Variants in MOG observed in about 807,000 individuals in gnomAD.
MOG encodes the protein myelin-oligodendrocyte glycoprotein.
In MOG, 20 loss-of-function variants were observed where a neutral mutation model predicts 35.9. That is an observed-to-expected ratio of 0.56 (90% confidence interval 0.39 to 0.81). The LOEUF (loss-of-function observed/expected upper bound fraction) is 0.81, where lower values mean the gene tolerates loss of function less well. MOG is among the 30% of genes least tolerant of loss of function. The pLI is 0.00. For synonymous variants in MOG, 92 were observed against 114.3 expected, an observed-to-expected ratio of 0.80 and a Z score of 1.25; for missense variants, 251 against 301.0, an observed-to-expected ratio of 0.83 and a Z score of 1.23.
intron 2 of MOG, 47 bp downstream of exon 2, chr6:29,659,713 G>A (rs1768079278): frequency 1.4e-6 from 2 of 1,480,342 alleles, no homozygotes; most frequent in Admixed American, 1.8e-5. Context: ...GGGTGGCCAA[G>A]AACAATTATT....
At chr6:29,661,839 CAAGG>C (rs1768864183) in intron 2 of MOG, 4 of 606,878 alleles carry the variant, frequency 6.6e-6, no homozygotes, top group African/African-American at 5.0e-5. Context: ...AAAAAAAAAA[CAAGG>C]AAGACAAAAA....
Position 29,666,197 on chromosome 6 carries a change from T to C in MOG, c.482T>C (p.Val161Ala). The change falls in exon 3 of 8, where the codon GTG becomes GCG. Residue 161 changes from valine (V) to alanine (A), a missense_variant. Val to Ala is a moderately conservative substitution (Grantham distance 64). Transcript: ENST00000376917. ...VSPGVLVLLA[V>A]LPVLLLQITV... ...CCTGGAGTGCTGGTTCTCCTCGCGG[T>C]GCTGCCTGTGCTCCTCCTGCAGATC... The C allele has an allele frequency of 6.2e-7, 1 of 1,612,964 alleles. No individual in the cohort carries two copies. Among genetic ancestry groups the C allele is most frequent in the Non-Finnish European group, 8.5e-7 (1 of 1,179,936 alleles).
chr6:29,664,606 ATT>A (rs9278232), intron 2 of MOG: 6,155 of 408,604 alleles, frequency 0.015, 4 homozygotes, highest in Middle Eastern at 0.027. Flanking sequence ...CCATCTCAGA[ATT>A]TTTTTTTTTT....
chr6:29,670,533 C>A lies in MOG; in HGVS notation c.709+136C>A. On this transcript the variant is annotated intron_variant, in intron 6 of 7. Transcript: ENST00000376917. This position sits in a 1 kb window ranked among gnomAD's most constrained non-coding sequence, Gnocchi z 4.2. ...ATTTCCTTATTCCTCTGTCCCCATGCCCAACCCCAGGCTCTTCTGAGAAAC... is the reference window on the plus strand; with the variant it reads ...ATTTCCTTATTCCTCTGTCCCCATGACCAACCCCAGGCTCTTCTGAGAAAC... The A allele has an allele frequency of 1.3e-6, 2 of 1,509,314 alleles. No individual in the cohort carries two copies. The highest frequency in any genetic ancestry group is 1.8e-6 in the Non-Finnish European group (2 of 1,093,038). 93.5% of individuals were successfully genotyped at this position (1,509,314 alleles called of 1,614,324 possible). A position where few individuals can be genotyped will look rare whatever the true frequency, so the allele number is the denominator to read the frequency against.
At position 29,670,646 on chromosome 6, in the gene MOG, G is replaced by C; in HGVS notation, c.710-55G>C. 6.2e-7 allele frequency: 1 copy of C among 1,604,798 alleles called. No individual in the cohort carries two copies. Among genetic ancestry groups the C allele is most frequent in the Non-Finnish European group, 8.5e-7 (1 of 1,175,698 alleles). ...TCCAAATGTCCATAGGGAGGATGTG[G>C]GGAAGGTGCTATTCATCTTCCACTA... On this transcript the variant is annotated intron_variant, in intron 6 of 7. Transcript: ENST00000376917. The surrounding 1 kb of genome is among the most constrained non-coding windows in gnomAD (Gnocchi z 4.2).
At chr6:29,660,584 AC>A in intron 2 of MOG, among the ~76,000 whole-genome samples, 1 of 148,680 alleles carries the variant, frequency 6.7e-6, no homozygotes, top group African/African-American at 2.5e-5. Flanking sequence ...ACACACACAC[AC>A]ACACCTGTGC....
Position 29,671,468 on chromosome 6 carries a change from T to G in MOG, c.*283T>G. 1.3e-6 allele frequency: 2 copies of G among 1,520,878 alleles called. No individual in the cohort carries two copies. Among genetic ancestry groups the G allele is most frequent in the Non-Finnish European group, 1.8e-6 (2 of 1,096,468 alleles). 94.2% of individuals were successfully genotyped at this position (1,520,878 alleles called of 1,614,324 possible). A position where few individuals can be genotyped will look rare whatever the true frequency, so the allele number is the denominator to read the frequency against. On this transcript the variant is annotated 3_prime_UTR_variant, in exon 8 of 8. Coordinates refer to ENST00000376917, the MANE Select transcript of MOG (RefSeq NM_206809.4). ...CTGGCTAAGGACAGGCAGGTGCCCC[T>G]CTCTCCATCAGAGGACACCTGTACT...
At chr6:29,666,600 T>C (rs927424820) in intron 3 of MOG, among the ~76,000 whole-genome samples, 1 of 152,198 alleles carries the variant, frequency 6.6e-6, no homozygotes, top group South Asian at 2.1e-4. Flanking sequence ...CTCTGTATCA[T>C]ACCTAGCAGC....
chr6:29,657,138 G>A lies in MOG; in HGVS notation c.-72G>A, dbSNP rs934858482. On this transcript the variant is annotated 5_prime_UTR_variant, in exon 1 of 8. Coordinates refer to ENST00000376917, the MANE Select transcript of MOG (RefSeq NM_206809.4). ...CCCTTGGGCTTTTCAGCAGTAAGGG[G>A]ACATGCACCCCAAGGGCCTCCACTT... 6 of 1,102,204 alleles carry A rather than the reference G, an allele frequency of 5.4e-6. No individual in the cohort carries two copies. Among genetic ancestry groups the A allele is most frequent in the Admixed American group, 5.1e-5 (3 of 58,756 alleles). The allele number at this position is 1,102,204 out of a possible 1,614,324, so 68.3% of individuals were successfully genotyped here.
chr6:29,670,608 C>A lies in MOG; in HGVS notation c.710-93C>A. 1 of 1,587,924 alleles carries A rather than the reference C, an allele frequency of 6.3e-7. No individual in the cohort carries two copies. Among genetic ancestry groups the A allele is most frequent in the Non-Finnish European group, 8.6e-7 (1 of 1,166,700 alleles). Reference sequence around the variant, plus strand: ...CTGTGGGATCCCCCAGTGGAAAGGGCAGTGTGGGTCACTCCAAATGTCCAT... The same window carrying A: ...CTGTGGGATCCCCCAGTGGAAAGGGAAGTGTGGGTCACTCCAAATGTCCAT... On this transcript the variant is annotated intron_variant, in intron 6 of 7. Transcript: ENST00000376917. This position sits in a 1 kb window ranked among gnomAD's most constrained non-coding sequence, Gnocchi z 4.2.
intron 2 of MOG, chr6:29,664,678 C>T: frequency 2.2e-6 from 1 of 450,132 alleles, no homozygotes; most frequent in Non-Finnish European, 4.4e-6. Context: ...GATCATGGCT[C>T]ATTGCAGCCT....
rs62392951 is a variant in MOG, at chr6:29,672,209, A to T, written c.*1024A>T. On this transcript the variant is annotated 3_prime_UTR_variant, in exon 8 of 8. Transcript: ENST00000376917. ...AGGCTGAGGCAGGAGAATCGCTTGA[A>T]CCCAGGAGGCAGAGGTTGCAGTGAG... The T allele has an allele frequency of 0.05, 7,888 of 156,518 alleles. 356 individuals are homozygous for T. Among genetic ancestry groups the T allele is most frequent in the East Asian group, 0.16 (874 of 5,396 alleles). The allele number at this position is 156,518 out of a possible 1,614,324, so 9.7% of individuals were successfully genotyped here.
At chr6:29,663,266 C>CAAAA (rs34825987) in intron 2 of MOG, among the ~76,000 whole-genome samples, 1 of 61,436 alleles carries the variant, frequency 1.6e-5, no homozygotes, top group Non-Finnish European at 3.0e-5. Context: ...GAGTGAGACT[C>CAAAA]AAAAAAAAAA....
At chr6:29,658,365 T>C (rs1204663894) in intron 1 of MOG, among the ~76,000 whole-genome samples, 1 of 151,470 alleles carries the variant, frequency 6.6e-6, no homozygotes, top group Non-Finnish European at 1.5e-5. Context: ...GAGAAACACA[T>C]CCACATAGAA....
Position 29,659,440 on chromosome 6 carries a change from C to A in MOG, c.210C>A (p.Arg70=), listed in dbSNP as rs1363568938. Residue 70 remains arginine (R), a synonymous_variant, in exon 2 of 8, where the codon CGC becomes CGA. Coordinates refer to ENST00000376917, the MANE Select transcript of MOG (RefSeq NM_206809.4). ...NATGMEVGWY[R]PPFSRVVHLY... ...CAGGCATGGAGGTGGGGTGGTACCG[C>A]CCCCCCTTCTCTAGGGTGGTTCATC... is the stretch of plus-strand genomic sequence containing the variant. 6.2e-7 allele frequency: 1 copy of A among 1,612,808 alleles called. No homozygotes were observed. Among genetic ancestry groups the A allele is most frequent in the African/African-American group, 1.3e-5 (1 of 74,874 alleles).
chr6:29,670,919 G>A lies in MOG; in HGVS notation c.730+198G>A. 1 of 1,608,952 alleles carries A rather than the reference G, an allele frequency of 6.2e-7. No individual in the cohort carries two copies. Among genetic ancestry groups the A allele is most frequent in the Non-Finnish European group, 8.5e-7 (1 of 1,178,052 alleles). On this transcript the variant is annotated intron_variant, in intron 7 of 7. Transcript: ENST00000376917. This position sits in a 1 kb window ranked among gnomAD's most constrained non-coding sequence, Gnocchi z 4.2. ...AGCTGTTAGAGACACATTTACAGGT[G>A]GCAGAGAAGCTGGAGGCACTCCTAT...
At chr6:29,661,940 G>A (rs1055109936) in intron 2 of MOG, 21 of 984,792 alleles carry the variant, frequency 2.1e-5, no homozygotes, top group East Asian at 1.1e-4. Context: ...CCACCTCTTC[G>A]TCTGCATGCC....
At position 29,662,851 on chromosome 6, in the gene MOG, C is replaced by G. The variant is rs2127508517; in HGVS notation, c.436+3185C>G. ...TAATGTTTTGTATTTTTTGTAGAGA[C>G]TGGGTTTTACCATGTTGATCAGGCT... On this transcript the variant is annotated intron_variant, in intron 2 of 7. Transcript: ENST00000376917. The surrounding 1 kb of genome is among the most constrained non-coding windows in gnomAD (Gnocchi z 4.2). 6.6e-6 allele frequency among the ~76,000 whole-genome samples: 1 copy of G among 152,148 alleles called. No individual in the cohort carries two copies. The highest frequency in any genetic ancestry group is 2.4e-5 in the African/African-American group (1 of 41,526).
intron 3 of MOG, among the ~76,000 whole-genome samples, chr6:29,666,633 G>A (rs1770282324): frequency 6.6e-6 from 1 of 152,198 alleles, no homozygotes; most frequent in African/African-American, 2.4e-5. Context: ...GGGAGAGTGT[G>A]AGCTTCGAAG....
Sources: allele counts gnomAD v4.1 joint callset (sites outside exome capture counted in the v4.1 genomes callset), GRCh38; gene constraint gnomAD v4.1.1; non-coding constraint Gnocchi (gnomAD v3.1); transcripts MANE v1.5; gene names NCBI Gene and HGNC (gene_info 2026-07-23, HGNC 2026-07-21).